Variants in TNR observed in about 807,000 individuals in gnomAD.
TNR encodes tenascin-R.
Under a neutral mutation model 150.4 loss-of-function variants are expected in TNR, and 45 were observed. The ratio of observed to expected loss-of-function variants is 0.30; its 90% CI spans 0.24 to 0.38. The LOEUF is 0.38. Ranked by LOEUF, TNR falls within the 10% of genes least tolerant of loss-of-function variation. The probability of loss-of-function intolerance (pLI) is 1.00; values close to 1 mark genes in which losing one functional copy is unlikely to be tolerated. For missense variants in TNR, 1,544 were observed against 1,759.1 expected, an observed-to-expected ratio of 0.88 and a Z score of 2.19; for synonymous variants, 687 against 678.4, an observed-to-expected ratio of 1.01 and a Z score of -0.20.
chr1:175,508,089 A>G (rs1157960161), intron 2 of TNR, among the ~76,000 whole-genome samples: 1 of 152,206 alleles, frequency 6.6e-6, no homozygotes, highest in Non-Finnish European at 1.5e-5. Context: ...GGAGGGAAAG[A>G]TCACACAGGA....
At chr1:175,527,566 G>A (rs1034368866) in intron 2 of TNR, among the ~76,000 whole-genome samples, 11 of 152,206 alleles carry the variant, frequency 7.2e-5, no homozygotes, top group South Asian at 4.2e-4. Flanking sequence ...AATAAAAAAC[G>A]GCCACACCTG....
rs534141138 is a variant in TNR at position 175,530,441 on chromosome 1, G to C, written c.-164-2072C>G. 2.0e-5 allele frequency among the ~76,000 whole-genome samples: 3 copies of C among 152,354 alleles called. No individual in the cohort carries two copies. The South Asian group carries it at 6.2e-4, about 32-fold the overall frequency. On this transcript the variant is annotated intron_variant, in intron 1 of 22. Transcript: ENST00000367674. ...CTGAAAAGGGACTCAGCTGTGAGCT[G>C]TCAGCAGCCAACGCTCCCAGCAGCT... is the stretch of plus-strand genomic sequence containing the variant.
At chr1:175,331,099 T>TTCTC (rs202149296) in intron 20 of TNR, among the ~76,000 whole-genome samples, 1 of 106,430 alleles carries the variant, frequency 9.4e-6, no homozygotes, top group African/African-American at 3.9e-5. Context: ...CTTTCTTTCT[T>TTCTC]TCTCTCTCTC....
intron 9 of TNR, among the ~76,000 whole-genome samples, chr1:175,371,617 T>G (rs1328295568): frequency 2.0e-5 from 3 of 152,108 alleles, no homozygotes; most frequent in Non-Finnish European, 2.9e-5. Flanking sequence ...ACTTTTTGAG[T>G]GTCTGATGGT....
At chr1:175,514,752 A>C (rs1447222329) in intron 2 of TNR, among the ~76,000 whole-genome samples, 2 of 152,202 alleles carry the variant, frequency 1.3e-5, no homozygotes, top group Non-Finnish European at 2.9e-5. Flanking sequence ...AAAAACTCAG[A>C]CCTGATTAAA....
chr1:175,471,299 G>T (rs1657276612), intron 2 of TNR, among the ~76,000 whole-genome samples: 1 of 152,138 alleles, frequency 6.6e-6, no homozygotes, highest in Non-Finnish European at 1.5e-5. Flanking sequence ...GTCTGTACTT[G>T]TTACAAGATA....
chr1:175,399,968 A>C (rs2298916), intron 4 of TNR, among the ~76,000 whole-genome samples: 2 of 152,244 alleles, frequency 1.3e-5, no homozygotes, highest in African/African-American at 4.8e-5. Context: ...AGAGGCTGAC[A>C]CTGATGAATC....
intron 2 of TNR, among the ~76,000 whole-genome samples, chr1:175,452,006 A>G (rs1025104235): frequency 5.9e-5 from 9 of 152,172 alleles, no homozygotes; most frequent in African/African-American, 1.7e-4. Flanking sequence ...GCCATGCCAC[A>G]TGTTTCTCTG....
At chr1:175,593,534 T>C (rs114876209) in intron 1 of TNR, among the ~76,000 whole-genome samples, 530 of 152,254 alleles carry the variant, frequency 3.5e-3, no homozygotes, top group African/African-American at 0.012. Flanking sequence ...TAATAAAAGA[T>C]TGTCAGCTGA....
At chr1:175,426,253 A>G (rs1443740614) in intron 2 of TNR, among the ~76,000 whole-genome samples, 1 of 152,130 alleles carries the variant, frequency 6.6e-6, no homozygotes, top group African/African-American at 2.4e-5. Context: ...ATCTCTATGG[A>G]TAATATTAGC....
intron 1 of TNR, among the ~76,000 whole-genome samples, chr1:175,567,615 A>T (rs1315369310): frequency 6.6e-6 from 1 of 152,182 alleles, no homozygotes; most frequent in Non-Finnish European, 1.5e-5. Context: ...CTTTCTATCT[A>T]AGGTGGAAAG....
rs558279988 is a variant in TNR at position 175,586,605 on chromosome 1, C to T, written c.-164-58236G>A. Reference sequence around the variant, plus strand: ...ACAAGCGTGAGCCACCGTGCCCAGCCCTGCTTTCTTTATTCTTATCATTCC... The same window carrying T: ...ACAAGCGTGAGCCACCGTGCCCAGCTCTGCTTTCTTTATTCTTATCATTCC... On this transcript the variant is annotated intron_variant, in intron 1 of 22. Coordinates refer to ENST00000367674, the MANE Select transcript of TNR (RefSeq NM_003285.3). 2.6e-5 allele frequency among the ~76,000 whole-genome samples: 4 copies of T among 152,264 alleles called. No homozygotes were observed. In the South Asian group the frequency reaches 8.3e-4, roughly 32 times the overall value.
chr1:175,470,024 G>A (rs1657214391), intron 2 of TNR, among the ~76,000 whole-genome samples: 1 of 152,130 alleles, frequency 6.6e-6, no homozygotes, highest in Non-Finnish European at 1.5e-5. Context: ...GGATGACAGG[G>A]AGATTTCTAA....
intron 1 of TNR, among the ~76,000 whole-genome samples, chr1:175,574,534 T>C (rs774005295): frequency 2.0e-5 from 3 of 152,172 alleles, no homozygotes; most frequent in Non-Finnish European, 4.4e-5. Context: ...TATGCAGCGA[T>C]AAGATATGGC....
chr1:175,742,963 TACACACACACAC>T (rs66777686), intron 1 of TNR, among the ~76,000 whole-genome samples: 3 of 147,914 alleles, frequency 2.0e-5, no homozygotes, highest in East Asian at 4.0e-4. Context: ...TATGCAACAG[TACACACACACAC>T]ACACACACAC....
intron 3 of TNR, 114 bp downstream of exon 3, chr1:175,406,102 T>G: frequency 7.1e-7 from 1 of 1,408,656 alleles, no homozygotes; most frequent in African/African-American, 1.4e-5. Context: ...TGCCGGGGTT[T>G]TGCTGGGAGT....
intron 1 of TNR, among the ~76,000 whole-genome samples, chr1:175,677,592 C>T (rs1011050123): frequency 1.1e-4 from 16 of 152,050 alleles, no homozygotes; most frequent in Admixed American, 3.3e-4. Context: ...CAATTGCTTC[C>T]GTAACAACTC....
intron 2 of TNR, among the ~76,000 whole-genome samples, chr1:175,459,975 G>A (rs1010340798): frequency 3.3e-5 from 5 of 152,232 alleles, no homozygotes; most frequent in South Asian, 2.1e-4. Flanking sequence ...GCTCTTTTCC[G>A]ATTCAGCATG....
In TNR at chr1:175,432,235, T is replaced by G. The variant is rs1655306474; in HGVS notation, c.-63-25458A>C. Among the ~76,000 whole-genome samples, 3 of 152,226 alleles carry G rather than the reference T, an allele frequency of 2.0e-5. No individual in the cohort carries two copies. In the South Asian group the frequency reaches 6.2e-4, roughly 32 times the overall value. ...ATGCTGACCCTATAGTAAAGAACTC[T>G]GAGAATTGTCTGGTGAAAGCTGATG... On this transcript the variant is annotated intron_variant, in intron 2 of 22. Coordinates refer to ENST00000367674, the MANE Select transcript of TNR (RefSeq NM_003285.3).
Sources: gnomAD v4.1 joint callset for allele counts (sites outside exome capture counted in the v4.1 genomes callset) on GRCh38, gnomAD v4.1.1 for gene constraint, MANE v1.5 for transcripts, NCBI Gene and HGNC (gene_info 2026-07-23, HGNC 2026-07-21) for gene names.